EPHB1: variants seen among roughly 807,000 people sequenced by gnomAD.
EPHB1 encodes ephrin type-B receptor 1.
In EPHB1, 30 loss-of-function variants were observed where a neutral mutation model predicts 94.4. That is an observed-to-expected ratio of 0.32 (90% CI 0.24 to 0.43). The LOEUF (loss-of-function observed/expected upper bound fraction) is 0.43. Ranked by LOEUF, EPHB1 falls within the 20% of genes least tolerant of loss-of-function variation. The pLI is 1.00. For synonymous variants in EPHB1, 522 were observed against 489.1 expected (o/e 1.07, Z -0.89); for missense variants, 1,055 against 1,308.3 (o/e 0.81, Z 2.99).
Position 135,054,343 on chromosome 3 carries a change from A to C in EPHB1, c.806-52105A>C, listed in dbSNP as rs1576349391. ...CTACTGTGCAGATTTTGGACTTGCCAGTCCCCACACTTGCATGAGCCAATT... is the reference window on the plus strand; with the variant it reads ...CTACTGTGCAGATTTTGGACTTGCCCGTCCCCACACTTGCATGAGCCAATT... On this transcript the variant is annotated intron_variant, in intron 3 of 15. Coordinates refer to ENST00000398015, the MANE Select transcript of EPHB1 (RefSeq NM_004441.5). Among the ~76,000 whole-genome samples the C allele has an allele frequency of 2.6e-5, 4 of 152,274 alleles. 1 individual carries two copies. The highest frequency in any genetic ancestry group is 9.6e-5 in the African/African-American group (4 of 41,566).
chr3:135,253,262 G>A (rs1030943399), intron 15 of EPHB1, among the ~76,000 whole-genome samples: 8 of 151,342 alleles, frequency 5.3e-5, no homozygotes, highest in Admixed American at 3.3e-4. Flanking sequence ...ATTGCTTTTG[G>A]TGTTTTAGAC....
intron 2 of EPHB1, among the ~76,000 whole-genome samples, chr3:134,944,742 T>C (rs1355851729): frequency 1.4e-5 from 2 of 147,232 alleles, no homozygotes; most frequent in Non-Finnish European, 3.0e-5. Flanking sequence ...TTGATAACTT[T>C]GTGTGTACCT....
At chr3:135,240,134 C>T (rs1943746462) in intron 12 of EPHB1, among the ~76,000 whole-genome samples, 1 of 152,184 alleles carries the variant, frequency 6.6e-6, no homozygotes, top group South Asian at 2.1e-4. Flanking sequence ...CTTGTACCCA[C>T]TCTCATCTTC....
intron 3 of EPHB1, among the ~76,000 whole-genome samples, chr3:134,958,723 G>A (rs947444798): frequency 6.6e-6 from 1 of 152,050 alleles, no homozygotes; most frequent in African/African-American, 2.4e-5. Flanking sequence ...CCTACCCAGC[G>A]ACCCCCAGAG....
At chr3:135,161,105 T>C (rs1941492638) in intron 6 of EPHB1, among the ~76,000 whole-genome samples, 1 of 152,136 alleles carries the variant, frequency 6.6e-6, no homozygotes, top group Admixed American at 6.5e-5. Context: ...GCACAAATCA[T>C]GTGTTTAATA....
chr3:135,005,691 G>A (rs970591380), intron 3 of EPHB1, among the ~76,000 whole-genome samples: 27 of 152,354 alleles, frequency 1.8e-4, no homozygotes, highest in African/African-American at 5.5e-4. Flanking sequence ...TCGGAAAAGC[G>A]CAGTATTCGG....
At chr3:135,113,274 C>T (rs993958736) in intron 4 of EPHB1, among the ~76,000 whole-genome samples, 1 of 152,230 alleles carries the variant, frequency 6.6e-6, no homozygotes, top group East Asian at 1.9e-4. Context: ...GAAGGGTCAG[C>T]GTTGCCTGTG....
At chr3:135,008,207 C>T (rs1172009251) in intron 3 of EPHB1, among the ~76,000 whole-genome samples, 3 of 152,172 alleles carry the variant, frequency 2.0e-5, no homozygotes, top group African/African-American at 4.8e-5. Context: ...CATTCAGACA[C>T]GTAGATAGAA....
intron 1 of EPHB1, among the ~76,000 whole-genome samples, chr3:134,843,516 A>G (rs952435517): frequency 5.9e-5 from 9 of 151,890 alleles, no homozygotes; most frequent in Non-Finnish European, 1.0e-4. Context: ...TATCACATGT[A>G]TGTTGATGTG....
At chr3:135,147,576 GGGGGTCACTGGGA>G in intron 5 of EPHB1, among the ~76,000 whole-genome samples, 1 of 152,162 alleles carries the variant, frequency 6.6e-6, no homozygotes, top group East Asian at 1.9e-4. Flanking sequence ...CATCACTCTG[GGGGGTCACTGGGA>G]GGGCACCCTC....
intron 12 of EPHB1, among the ~76,000 whole-genome samples, chr3:135,239,185 A>G (rs1943720840): frequency 6.6e-6 from 1 of 152,220 alleles, no homozygotes; most frequent in South Asian, 2.1e-4. Context: ...TCTTCTTTGC[A>G]GAAAGTGGGA....
intron 13 of EPHB1, among the ~76,000 whole-genome samples, chr3:135,246,762 C>T (rs1031850429): frequency 2.6e-5 from 4 of 152,156 alleles, no homozygotes; most frequent in African/African-American, 9.7e-5. Context: ...AAAGTGAGTA[C>T]TCCCAGTCAC....
At chr3:135,043,277 G>A (rs1019065760) in intron 3 of EPHB1, among the ~76,000 whole-genome samples, 2 of 149,800 alleles carry the variant, frequency 1.3e-5, no homozygotes, top group African/African-American at 4.9e-5. Flanking sequence ...AATAATAATA[G>A]TAATAATAAT....
At chr3:134,834,578 C>T (rs1337649931) in intron 1 of EPHB1, among the ~76,000 whole-genome samples, 4 of 152,192 alleles carry the variant, frequency 2.6e-5, no homozygotes, top group African/African-American at 4.8e-5. Context: ...TTATCAAAGA[C>T]AGAACAATGC....
intron 1 of EPHB1, among the ~76,000 whole-genome samples, chr3:134,869,420 T>C (rs2037449839): frequency 6.6e-6 from 1 of 152,098 alleles, no homozygotes; most frequent in African/African-American, 2.4e-5. Flanking sequence ...TCCGGGGGAA[T>C]TCAGTGGGAA....
chr3:135,009,788 T>C (rs1305738002), intron 3 of EPHB1, among the ~76,000 whole-genome samples: 2 of 152,244 alleles, frequency 1.3e-5, no homozygotes, highest in Non-Finnish European at 2.9e-5. Flanking sequence ...GGAATCTGAG[T>C]ACTACTTAGA....
rs779297354 is a variant in EPHB1, at chr3:135,166,947, G to A, written c.1700G>A (p.Arg567Gln). The change falls in exon 9 of 16, where the codon CGG becomes CAG. Residue 567 changes from arginine (R) to glutamine (Q), a missense_variant. Physicochemically the swap from Arg to Gln is conservative, Grantham distance 43 (BLOSUM62 1). Transcript: ENST00000398015. ...GCCCCTCTTTTTATCCACAGGAAAC[G>A]GGCTTATAGCAAAGAGGCTGTGTAC... is the stretch of plus-strand genomic sequence containing the variant. ...VAISIVCSRK[R>Q]AYSKEAVYSD... The A allele has an allele frequency of 2.0e-5, 33 of 1,613,970 alleles. No homozygotes were observed. In the South Asian group the frequency reaches 2.1e-4, roughly 10 times the overall value.
intron 15 of EPHB1, among the ~76,000 whole-genome samples, chr3:135,249,723 T>A (rs1189589169): frequency 1.3e-5 from 2 of 152,346 alleles, no homozygotes; most frequent in Non-Finnish European, 2.9e-5. Flanking sequence ...GTTATAGCCA[T>A]ATGTCATTTG....
At chr3:134,837,526 T>C (rs2036693563) in intron 1 of EPHB1, among the ~76,000 whole-genome samples, 1 of 152,054 alleles carries the variant, frequency 6.6e-6, no homozygotes, top group Non-Finnish European at 1.5e-5. Flanking sequence ...TCCTGGGAGA[T>C]GGCGGGGAGG....
Sources: allele counts gnomAD v4.1 joint callset (sites outside exome capture counted in the v4.1 genomes callset), GRCh38; gene constraint gnomAD v4.1.1; transcripts MANE v1.5; gene names NCBI Gene and HGNC (gene_info 2026-07-23, HGNC 2026-07-21).